The following GRM5 variants were observed in gnomAD, a reference collection of about 807,000 sequenced individuals.
The protein encoded by GRM5 is glutamate metabotropic receptor 5.
A neutral mutation model predicts 83.1 loss-of-function variants in GRM5; 19 were observed. The ratio of observed to expected loss-of-function variants is 0.23; its 90% CI spans 0.16 to 0.34. The LOEUF (loss-of-function observed/expected upper bound fraction) is 0.34. GRM5 is among the 10% of genes least tolerant of loss of function. The pLI, the probability that GRM5 is intolerant of heterozygous loss-of-function variation, is 1.00. For missense variants in GRM5, 1,160 were observed against 1,588.3 expected (o/e 0.73, Z 4.58); for synonymous variants, 675 against 633.6 (o/e 1.07, Z -0.98).
At chr11:88,649,072 T>C (rs1428134316) in intron 4 of GRM5, among the ~76,000 whole-genome samples, 2 of 145,142 alleles carry the variant, frequency 1.4e-5, no homozygotes, top group African/African-American at 5.0e-5. Flanking sequence ...TATATTATAA[T>C]ATATAATACA....
intron 3 of GRM5, among the ~76,000 whole-genome samples, chr11:88,797,658 C>A (rs1251068042): frequency 6.6e-6 from 1 of 152,090 alleles, no homozygotes; most frequent in Non-Finnish European, 1.5e-5. Flanking sequence ...TCTCTTCTTT[C>A]TTTTGCTTTT....
chr11:88,609,698 C>A (rs1389763514), intron 4 of GRM5, among the ~76,000 whole-genome samples: 1 of 152,120 alleles, frequency 6.6e-6, no homozygotes. Context: ...GTTTACTCTG[C>A]TGATAGTTTC....
chr11:88,747,793 C>A (rs1433373619), intron 3 of GRM5, among the ~76,000 whole-genome samples: 1 of 147,724 alleles, frequency 6.8e-6, no homozygotes, highest in Non-Finnish European at 1.5e-5. Flanking sequence ...GTTGTTCAAC[C>A]ACCTTCTGCT....
At chr11:88,705,596 G>A (rs1941135679) in intron 3 of GRM5, among the ~76,000 whole-genome samples, 1 of 84,460 alleles carries the variant, frequency 1.2e-5, no homozygotes, top group South Asian at 5.6e-4. Context: ...CCTGAGTAGA[G>A]CAGGGTTTTT....
intron 3 of GRM5, among the ~76,000 whole-genome samples, chr11:88,702,187 T>C (rs949078971): frequency 1.3e-5 from 2 of 152,118 alleles, no homozygotes; most frequent in Non-Finnish European, 2.9e-5. Flanking sequence ...AGTAACTATA[T>C]CTACCATATA....
At chr11:88,897,413 C>T (rs514641) in intron 2 of GRM5, among the ~76,000 whole-genome samples, 93,320 of 151,604 alleles carry the variant, frequency 0.62, 29,012 homozygotes, top group Admixed American at 0.73. Flanking sequence ...TTTCTTTAAT[C>T]TGCAAAAAGT....
intron 3 of GRM5, among the ~76,000 whole-genome samples, chr11:88,791,123 A>T (rs1242759801): frequency 6.6e-6 from 1 of 152,170 alleles, no homozygotes; most frequent in Non-Finnish European, 1.5e-5. Context: ...CATGAACAGG[A>T]TTTATTCCTT....
At chr11:88,921,669 C>A (rs1945695819) in intron 2 of GRM5, among the ~76,000 whole-genome samples, 1 of 151,782 alleles carries the variant, frequency 6.6e-6, no homozygotes. Flanking sequence ...ATAACAACAA[C>A]TGAAAGCCTT....
At chr11:88,921,349 C>A (rs577335188) in intron 2 of GRM5, among the ~76,000 whole-genome samples, 1 of 152,160 alleles carries the variant, frequency 6.6e-6, no homozygotes, top group Non-Finnish European at 1.5e-5. Context: ...TTAGGCCAGG[C>A]GCAGTGGCTC....
chr11:88,935,785 A>G (rs1435829350), intron 2 of GRM5, among the ~76,000 whole-genome samples: 2 of 151,954 alleles, frequency 1.3e-5, no homozygotes, highest in South Asian at 2.1e-4. Context: ...TAGGTTGTTC[A>G]TATATTATTT....
intron 3 of GRM5, among the ~76,000 whole-genome samples, chr11:88,694,906 T>A (rs2135364734): frequency 6.6e-6 from 1 of 152,306 alleles, no homozygotes; most frequent in East Asian, 1.9e-4. Flanking sequence ...TTGAAGAAGA[T>A]GACTACATGA....
At chr11:88,947,178 C>T (rs1297333849) in intron 2 of GRM5, among the ~76,000 whole-genome samples, 5 of 152,106 alleles carry the variant, frequency 3.3e-5, no homozygotes, top group Non-Finnish European at 5.9e-5. Flanking sequence ...TACTGTATCA[C>T]TTATTAGGCC....
intron 3 of GRM5, among the ~76,000 whole-genome samples, chr11:88,790,359 A>G (rs1287305676): frequency 6.6e-6 from 1 of 152,222 alleles, no homozygotes; most frequent in African/African-American, 2.4e-5. Flanking sequence ...CTTGAGTAAC[A>G]TAATTCTGTC....
intron 9 of GRM5, among the ~76,000 whole-genome samples, chr11:88,510,020 C>A (rs1473463635): frequency 6.6e-6 from 1 of 152,164 alleles, no homozygotes; most frequent in Non-Finnish European, 1.5e-5. Context: ...GGTTCCAGTT[C>A]CGCCTTTATT....
At chr11:88,635,483 G>A (rs35004038) in intron 4 of GRM5, among the ~76,000 whole-genome samples, 18,239 of 152,146 alleles carry the variant, frequency 0.12, 1,451 homozygotes, top group Non-Finnish European at 0.18. Flanking sequence ...TGAGAAATGT[G>A]TATTCAAATC....
At chr11:88,541,325 T>C (rs1009788797) in intron 8 of GRM5, among the ~76,000 whole-genome samples, 1 of 152,210 alleles carries the variant, frequency 6.6e-6, no homozygotes, top group African/African-American at 2.4e-5. Context: ...AGGAGTTTCA[T>C]TGTGATCTGT....
intron 2 of GRM5, among the ~76,000 whole-genome samples, chr11:88,992,109 A>G (rs1939997813): frequency 6.6e-6 from 1 of 152,152 alleles, no homozygotes. Context: ...TTTGCAACCT[A>G]CTCATCTGAC....
intron 3 of GRM5, among the ~76,000 whole-genome samples, chr11:88,843,651 A>G (rs1169649009): frequency 1.3e-5 from 2 of 152,236 alleles, no homozygotes; most frequent in Non-Finnish European, 2.9e-5. Context: ...CTAACTTTAA[A>G]TCAAAAGCTA....
intron 2 of GRM5, among the ~76,000 whole-genome samples, chr11:88,975,246 C>T (rs1228495536): frequency 6.6e-6 from 1 of 152,008 alleles, no homozygotes; most frequent in African/African-American, 2.4e-5. Flanking sequence ...TTTCACAAAC[C>T]GTGATGGCAG....
Sources: allele counts gnomAD v4.1 joint callset (sites outside exome capture counted in the v4.1 genomes callset), GRCh38; gene constraint gnomAD v4.1.1; transcripts MANE v1.5; gene names NCBI Gene and HGNC (gene_info 2026-07-23, HGNC 2026-07-21).